KIAA1217: variants seen among roughly 807,000 people sequenced by gnomAD.
The protein encoded by KIAA1217 is sickle tail protein homolog.
KIAA1217 carries 88 observed loss-of-function variants against 163.9 expected under a neutral mutation model. The ratio of observed to expected loss-of-function variants is 0.54; its 90% CI spans 0.45 to 0.64. KIAA1217 has a LOEUF of 0.64. Among genes scored for constraint, KIAA1217 ranks in the 30% least tolerant of loss-of-function variants. The pLI, the probability that KIAA1217 is intolerant of heterozygous loss-of-function variation, is 0.00. For synonymous variants in KIAA1217, 903 were observed against 923.1 expected (o/e 0.98, Z 0.39); for missense variants, 2,372 against 2,475.0 (o/e 0.96, Z 0.88).
At position 23,726,979 on chromosome 10, in the gene KIAA1217, C is replaced by CTTTTTTTTTT. The variant is rs1012125050; in HGVS notation, c.-321+31762_-321+31771dup. On this transcript the variant is annotated intron_variant, in intron 1 of 18. Coordinates refer to the KIAA1217 transcript ENST00000376462. ...ATTTCCATGCCATTTGTATAGGCCTCTTTTTTTTTTTTTTTTTTTTTTTTT... is the reference window on the plus strand; with the variant it reads ...ATTTCCATGCCATTTGTATAGGCCTCTTTTTTTTTTTTTTTTTTTTTTTTTTTTTTTTTTT... Among the ~76,000 whole-genome samples, 266 of 93,408 alleles carry CTTTTTTTTTT rather than the reference C, an allele frequency of 2.8e-3. 40 individuals carry two copies. The highest frequency in any genetic ancestry group is 0.012 in the African/African-American group (255 of 20,678). 61.3% of individuals were successfully genotyped at this position (93,408 alleles called of 152,430 possible).
At chr10:24,092,003 C>T (rs181523357) in intron 2 of KIAA1217, among the ~76,000 whole-genome samples, 3 of 151,872 alleles carry the variant, frequency 2.0e-5, no homozygotes, top group African/African-American at 7.3e-5. Flanking sequence ...GGAAGAGCTA[C>T]CTTTTTATCA....
rs150753871 is a variant in KIAA1217 at position 24,395,087 on chromosome 10, G to T, written c.553+14020G>T. 4.2e-3 allele frequency among the ~76,000 whole-genome samples: 634 copies of T among 152,218 alleles called. 4 individuals are homozygous for T. Among genetic ancestry groups the T allele is most frequent in the African/African-American group, 0.014 (593 of 41,522 alleles). On this transcript the variant is annotated intron_variant, in intron 3 of 20. Transcript: ENST00000376454. Reference sequence around the variant, plus strand: ...GACATGCCCTCAGAAAGAATGAAATGGTTATTTCAGTGACCACCATCACCA... The same window carrying T: ...GACATGCCCTCAGAAAGAATGAAATTGTTATTTCAGTGACCACCATCACCA...
At chr10:24,486,030 C>T (rs1402821376) in intron 6 of KIAA1217, among the ~76,000 whole-genome samples, 1 of 152,224 alleles carries the variant, frequency 6.6e-6, no homozygotes, top group Non-Finnish European at 1.5e-5. Flanking sequence ...TGCGTTTGGA[C>T]ACCCAGACCC....
chr10:24,261,985 G>C (rs1366589819), intron 2 of KIAA1217, among the ~76,000 whole-genome samples: 1 of 152,112 alleles, frequency 6.6e-6, no homozygotes, highest in East Asian at 1.9e-4. Flanking sequence ...ATGTGTATAT[G>C]AAAAGAAAGT....
At chr10:23,861,854 T>C (rs1011753554) in intron 1 of KIAA1217, among the ~76,000 whole-genome samples, 1 of 152,194 alleles carries the variant, frequency 6.6e-6, no homozygotes, top group Admixed American at 6.5e-5. Flanking sequence ...GATTTCCTCC[T>C]TGTGAGCCTC....
intron 1 of KIAA1217, among the ~76,000 whole-genome samples, chr10:23,710,053 G>A (rs1232046870): frequency 1.3e-5 from 2 of 152,188 alleles, no homozygotes; most frequent in Non-Finnish European, 2.9e-5. Flanking sequence ...AGTGTTGGAT[G>A]GATAACGGAT....
At chr10:24,316,422 G>A (rs1325334389) in intron 2 of KIAA1217, among the ~76,000 whole-genome samples, 1 of 152,186 alleles carries the variant, frequency 6.6e-6, no homozygotes, top group Admixed American at 6.5e-5. Flanking sequence ...CAACCTGCAT[G>A]GGGGCAATGG....
intron 5 of KIAA1217, among the ~76,000 whole-genome samples, chr10:24,469,270 G>T (rs550252188): frequency 6.6e-6 from 1 of 151,552 alleles, no homozygotes; most frequent in South Asian, 2.1e-4. Flanking sequence ...GATTACAGGC[G>T]CATGCACTGC....
At chr10:24,269,210 TAAAAAA>T (rs59746609) in intron 2 of KIAA1217, among the ~76,000 whole-genome samples, 8 of 87,072 alleles carry the variant, frequency 9.2e-5, no homozygotes, top group Non-Finnish European at 7.2e-5. Flanking sequence ...AAAGTATAAT[TAAAAAA>T]AAAAAAAAAA....
chr10:23,881,134 T>C (rs1046733344), intron 1 of KIAA1217, among the ~76,000 whole-genome samples: 1 of 151,840 alleles, frequency 6.6e-6, no homozygotes, highest in Non-Finnish European at 1.5e-5. Flanking sequence ...GTTCTAGTAG[T>C]TCACTATGGT....
intron 1 of KIAA1217, among the ~76,000 whole-genome samples, chr10:24,005,957 T>C (rs978515664): frequency 2.6e-5 from 4 of 152,142 alleles, no homozygotes; most frequent in African/African-American, 9.7e-5. Flanking sequence ...CTTCATGTTG[T>C]TGGTAAAGAA....
At chr10:24,025,950 A>C (rs953793535) in intron 2 of KIAA1217, among the ~76,000 whole-genome samples, 1 of 151,812 alleles carries the variant, frequency 6.6e-6, no homozygotes, top group Non-Finnish European at 1.5e-5. Context: ...GTTATTTATA[A>C]ATGACAATAG....
chr10:24,087,931 C>CTGG (rs2061762382), intron 2 of KIAA1217, among the ~76,000 whole-genome samples: 1 of 71,620 alleles, frequency 1.4e-5, no homozygotes, highest in Non-Finnish European at 5.5e-5. Context: ...CCAAGCCTTC[C>CTGG]CATGATGAAA....
At chr10:23,788,626 T>C (rs1835602017) in intron 1 of KIAA1217, among the ~76,000 whole-genome samples, 3 of 152,214 alleles carry the variant, frequency 2.0e-5, no homozygotes, top group African/African-American at 7.2e-5. Context: ...AATGATTTGC[T>C]TTCTGATGGG....
intron 1 of KIAA1217, among the ~76,000 whole-genome samples, chr10:23,846,058 T>C (rs1839012213): frequency 6.6e-6 from 1 of 152,208 alleles, no homozygotes; most frequent in Non-Finnish European, 1.5e-5. Flanking sequence ...GTGGTGTTTT[T>C]TCTGAGGCCC....
chr10:24,319,534 A>C (rs531622181), intron 2 of KIAA1217, among the ~76,000 whole-genome samples: 1 of 152,202 alleles, frequency 6.6e-6, no homozygotes, highest in Non-Finnish European at 1.5e-5. Context: ...ATAGGCGAGA[A>C]GTCAGAAAAA....
At chr10:24,020,251 A>ATGCT (rs1339280941) in intron 2 of KIAA1217, among the ~76,000 whole-genome samples, 1 of 152,154 alleles carries the variant, frequency 6.6e-6, no homozygotes, top group Non-Finnish European at 1.5e-5. Flanking sequence ...TGCATGGTTG[A>ATGCT]TGCTGTAGTT....
intron 2 of KIAA1217, among the ~76,000 whole-genome samples, chr10:24,304,682 G>A (rs2132815657): frequency 6.6e-6 from 1 of 152,210 alleles, no homozygotes; most frequent in Admixed American, 6.5e-5. Flanking sequence ...GTTCTTCTTG[G>A]AGGTTTGGGG....
chr10:23,956,779 A>G (rs1455271024), intron 1 of KIAA1217, among the ~76,000 whole-genome samples: 1 of 152,156 alleles, frequency 6.6e-6, no homozygotes, highest in East Asian at 1.9e-4. Context: ...CAAGAGAGTG[A>G]TTTGGGGAGG....
Sources: allele counts gnomAD v4.1 joint callset (sites outside exome capture counted in the v4.1 genomes callset), GRCh38; gene constraint gnomAD v4.1.1; transcripts MANE v1.5; gene names NCBI Gene and HGNC (gene_info 2026-07-23, HGNC 2026-07-21).